The following EXOC6 variants were observed in gnomAD, a reference collection of about 807,000 sequenced individuals.
EXOC6 encodes exocyst complex component 6, also known as SEC15-like 1.
A neutral mutation model predicts 112.5 loss-of-function variants in EXOC6; 60 were observed. The observed-to-expected ratio is 0.53, with a 90% CI of 0.43 to 0.66. The LOEUF (loss-of-function observed/expected upper bound fraction) is 0.66, where lower values mean the gene tolerates loss of function less well. EXOC6 is among the 30% of genes least tolerant of loss of function. The pLI, the probability that EXOC6 is intolerant of heterozygous loss-of-function variation, is 0.00. For missense variants in EXOC6, 855 were observed against 957.1 expected, an observed-to-expected ratio of 0.89 and a Z score of 1.41; for synonymous variants, 295 against 308.0, an observed-to-expected ratio of 0.96 and a Z score of 0.44.
chr10:93,038,101 A>AT (rs565946149), intron 20 of EXOC6, among the ~76,000 whole-genome samples: 1,524 of 146,006 alleles, frequency 0.01, 22 homozygotes, highest in African/African-American at 0.035. Flanking sequence ...TTGACTGGAA[A>AT]TTTTTTTTTT....
chr10:92,923,467 T>C (rs866668248), intron 8 of EXOC6, among the ~76,000 whole-genome samples: 5 of 152,186 alleles, frequency 3.3e-5, no homozygotes, highest in African/African-American at 4.8e-5. Flanking sequence ...AGGTCTCTTA[T>C]GAGATTCTAG....
intron 17 of EXOC6, among the ~76,000 whole-genome samples, chr10:92,969,996 C>G (rs7477130): frequency 1.3e-5 from 2 of 152,182 alleles, no homozygotes; most frequent in South Asian, 2.1e-4. Flanking sequence ...ACCTGGTCGA[C>G]TATTGTATTT....
chr10:92,995,479 A>G (rs1283957742), intron 18 of EXOC6, among the ~76,000 whole-genome samples: 2 of 152,238 alleles, frequency 1.3e-5, no homozygotes, highest in East Asian at 1.9e-4. Context: ...GGCAGCATGC[A>G]TAGGACATGG....
rs1435515710 is a variant in EXOC6, at chr10:93,059,299, G to A, written c.*944G>A. 1 of 152,134 alleles carries A rather than the reference G, an allele frequency of 6.6e-6. No homozygotes were observed. Among genetic ancestry groups the A allele is most frequent in the African/African-American group, 2.4e-5 (1 of 41,422 alleles). The allele number at this position is 152,134 out of a possible 1,614,324, so 9.4% of individuals were successfully genotyped here. A position where few individuals can be genotyped will look rare whatever the true frequency, so the allele number is the denominator to read the frequency against. ...CATTTTCCTTTGTGTATGTTTCCGT[G>A]GTCCAAATGGCAATATAAATCCAGT... On this transcript the variant is annotated 3_prime_UTR_variant, in exon 22 of 22. Transcript: ENST00000260762.
upstream of EXOC6, chr10:92,831,334 G>A (rs1424349586): frequency 1.6e-6 from 2 of 1,288,886 alleles, no homozygotes; most frequent in Non-Finnish European, 2.0e-6. Flanking sequence ...TGCTGTGTAG[G>A]AGGAGCGGGG....
At chr10:92,995,786 T>C (rs553734999) in intron 18 of EXOC6, among the ~76,000 whole-genome samples, 3 of 152,302 alleles carry the variant, frequency 2.0e-5, no homozygotes, top group South Asian at 2.1e-4. Context: ...CTGTCAAATA[T>C]ATTGTTTGCA....
intron 18 of EXOC6, among the ~76,000 whole-genome samples, chr10:92,979,556 G>T (rs1182877427): frequency 6.6e-6 from 1 of 152,128 alleles, no homozygotes; most frequent in African/African-American, 2.4e-5. Context: ...GAAACCTGTA[G>T]GATTTGGAAA....
At chr10:92,848,433 G>GGCCCCC, upstream of EXOC6, 1 of 855,808 alleles carries the variant, frequency 1.2e-6, no homozygotes, top group Non-Finnish European at 1.4e-6. Context: ...CGGCCCGAGC[G>GGCCCCC]CCCCGCCCCC....
At chr10:92,902,697 G>A (rs889821083) in intron 5 of EXOC6, among the ~76,000 whole-genome samples, 2 of 152,036 alleles carry the variant, frequency 1.3e-5, no homozygotes, top group Non-Finnish European at 2.9e-5. Context: ...CTTCCTCACA[G>A]TCACTGCCAC....
At chr10:92,933,766 G>A (rs1852192658) in intron 9 of EXOC6, among the ~76,000 whole-genome samples, 4 of 151,982 alleles carry the variant, frequency 2.6e-5, no homozygotes, top group Admixed American at 2.6e-4. Flanking sequence ...TATCATTCTG[G>A]CAGCTGGACA....
At chr10:92,863,862 T>A (rs1668675575) in intron 1 of EXOC6, among the ~76,000 whole-genome samples, 1 of 143,652 alleles carries the variant, frequency 7.0e-6, no homozygotes, top group African/African-American at 2.6e-5. Context: ...TTGCAGTGAG[T>A]CTATATCGCG....
chr10:92,859,821 A>ATGTGTGTGTGTG (rs10617958), intron 1 of EXOC6, among the ~76,000 whole-genome samples: 10 of 141,700 alleles, frequency 7.1e-5, no homozygotes, highest in African/African-American at 1.0e-4. Flanking sequence ...GTTTGTGTGC[A>ATGTGTGTGTGTG]TGTGTGTGTG....
chr10:93,001,767 C>T lies in EXOC6; in HGVS notation c.2095+4152C>T, dbSNP rs189060266. Among the ~76,000 whole-genome samples the T allele has an allele frequency of 2.6e-5, 4 of 152,252 alleles. No individual in the cohort carries two copies. In the East Asian group the frequency reaches 7.7e-4, roughly 29 times the overall value. ...ATCTGAAGTTTGGCTTAGGGTCACA[C>T]AGGAAAAAACAAATCCTTATCCACA... On this transcript the variant is annotated intron_variant, in intron 19 of 21. Transcript: ENST00000260762.
At chr10:92,863,792 G>C (rs1045404933) in intron 1 of EXOC6, among the ~76,000 whole-genome samples, 1 of 151,538 alleles carries the variant, frequency 6.6e-6, no homozygotes, top group African/African-American at 2.4e-5. Context: ...GTGGGCACCT[G>C]TAATCCCAGC....
chr10:92,973,906 G>GA (rs947197332), intron 17 of EXOC6, 147 bp from the exon 18 acceptor site: 23,728 of 513,734 alleles, frequency 0.046, no homozygotes, highest in South Asian at 0.058. Context: ...AGTACTGCCA[G>GA]AAAAAAAAAA....
At chr10:92,969,949 C>T (rs1421141779) in intron 17 of EXOC6, among the ~76,000 whole-genome samples, 1 of 152,208 alleles carries the variant, frequency 6.6e-6, no homozygotes, top group East Asian at 1.9e-4. Context: ...CCACCTTGGC[C>T]TCCCAAAGAG....
intron 18 of EXOC6, among the ~76,000 whole-genome samples, chr10:92,979,479 G>A (rs550327605): frequency 6.6e-6 from 1 of 152,302 alleles, no homozygotes; most frequent in African/African-American, 2.4e-5. Flanking sequence ...CAGATTAATA[G>A]ATAATGATGG....
intron 1 of EXOC6, among the ~76,000 whole-genome samples, chr10:92,888,866 T>C (rs1424199050): frequency 6.6e-6 from 1 of 152,206 alleles, no homozygotes; most frequent in Non-Finnish European, 1.5e-5. Context: ...ATGTTAATTG[T>C]GGGAAAAGTA....
intron 8 of EXOC6, among the ~76,000 whole-genome samples, chr10:92,923,286 A>G (rs1029468785): frequency 3.4e-4 from 51 of 152,212 alleles, no homozygotes; most frequent in African/African-American, 1.1e-3. Context: ...TCCTTCTTCA[A>G]CATTTCTTTA....
Sources: allele counts gnomAD v4.1 joint callset (sites outside exome capture counted in the v4.1 genomes callset), GRCh38; gene constraint gnomAD v4.1.1; transcripts MANE v1.5; gene names NCBI Gene and HGNC (gene_info 2026-07-23, HGNC 2026-07-21).